NLGN4Y: variants seen among roughly 807,000 people sequenced by gnomAD.
NLGN4Y encodes the protein neuroligin 4 Y-linked.
NLGN4Y carries 4 observed loss-of-function variants against 8.4 expected under a neutral mutation model. The ratio of observed to expected loss-of-function variants is 0.48; its 90% confidence interval spans 0.23 to 1.09. The LOEUF is 1.09. NLGN4Y is among the 50% of genes least tolerant of loss of function. The probability of loss-of-function intolerance (pLI) is 0.19; values close to 1 mark genes in which losing one functional copy is unlikely to be tolerated. For synonymous variants in NLGN4Y, 35 were observed against 75.6 expected, an observed-to-expected ratio of 0.46 and a Z score of 2.78; for missense variants, 90 against 192.3, an observed-to-expected ratio of 0.47 and a Z score of 3.15.
chrY:14,745,974 A>AT (rs2081022825), intron 4 of NLGN4Y, among the ~76,000 whole-genome samples: 18 of 29,050 alleles, frequency 6.2e-4, no homozygotes, highest in East Asian at 2.7e-3. Flanking sequence ...TCCATTACAC[A>AT]TTTTTTTTTT....
intron 1 of NLGN4Y, among the ~76,000 whole-genome samples, chrY:14,526,111 CCT>C (rs2080092915): frequency 3.0e-5 from 1 of 33,591 alleles, no homozygotes; most frequent in Non-Finnish European, 7.3e-5. Flanking sequence ...ACGCACTGAG[CCT>C]TTTCCTAGAG....
Position 14,813,829 on chromosome Y carries a change from T to C in NLGN4Y, c.686-10359T>C, listed in dbSNP as rs761054302. Among the ~76,000 whole-genome samples, 95 of 33,554 alleles carry C rather than the reference T, an allele frequency of 2.8e-3. No individual in the cohort carries two copies. In the East Asian group the frequency reaches 0.058, roughly 20 times the overall value. The allele number at this position is 33,554 out of a possible 37,273, so 90.0% of individuals were successfully genotyped here. A position where few individuals can be genotyped will look rare whatever the true frequency, so the allele number is the denominator to read the frequency against. On this transcript the variant is annotated intron_variant, in intron 4 of 6. Transcript: ENST00000684976. ...ATGCATTAATTCTACATGATCTCTT[T>C]TGCATCTTTCTTTTGTTATTCAATT...
At chrY:14,735,542 C>G in intron 4 of NLGN4Y, among the ~76,000 whole-genome samples, 1 of 33,655 alleles carries the variant, frequency 3.0e-5, no homozygotes, top group African/African-American at 1.2e-4. Flanking sequence ...CATAAATTAC[C>G]CAGTCTTGAG....
chrY:14,843,254 T>C lies in NLGN4Y; in HGVS notation c.*1992T>C, dbSNP rs1343285295. ...TTAAATTTGAAAGCAATTCTCTATA[T>C]ATAAATATGTGAAATATTATGATCT... On this transcript the variant is annotated 3_prime_UTR_variant, in exon 7 of 7. Transcript: ENST00000684976. The C allele has an allele frequency of 1.6e-5, 2 of 121,877 alleles. No homozygotes were observed. Among genetic ancestry groups the C allele is most frequent in the Non-Finnish European group, 1.8e-5 (1 of 56,233 alleles). 30.4% of individuals were successfully genotyped at this position (121,877 alleles called of 400,897 possible).
At chrY:14,549,201 A>G in intron 1 of NLGN4Y, among the ~76,000 whole-genome samples, 5 of 32,925 alleles carry the variant, frequency 1.5e-4, no homozygotes, top group Non-Finnish European at 3.0e-4. Context: ...CCCATCCCCA[A>G]TGTAAATCAC....
At chrY:14,579,654 G>T in intron 1 of NLGN4Y, among the ~76,000 whole-genome samples, 2 of 33,010 alleles carry the variant, frequency 6.1e-5, no homozygotes, top group Non-Finnish European at 1.5e-4. Flanking sequence ...CGGGGTTGCA[G>T]TGAGTTGTGA....
At chrY:14,600,644 C>T (rs968497994) in intron 1 of NLGN4Y, among the ~76,000 whole-genome samples, 3 of 32,438 alleles carry the variant, frequency 9.2e-5, no homozygotes, top group Non-Finnish European at 2.3e-4. Context: ...ATTTCAAATC[C>T]TCATGTACAA....
At chrY:14,698,607 C>T (rs773692716) in intron 2 of NLGN4Y, among the ~76,000 whole-genome samples, 89 of 32,527 alleles carry the variant, frequency 2.7e-3, no homozygotes, top group African/African-American at 9.6e-3. Flanking sequence ...CCCATTGGAT[C>T]TATGGAACCA....
At chrY:14,580,878 A>G in intron 1 of NLGN4Y, among the ~76,000 whole-genome samples, 5 of 14,082 alleles carry the variant, frequency 3.6e-4, no homozygotes, top group African/African-American at 2.1e-3. Context: ...ATCTGTATGG[A>G]AAAAAAAAAA....
intron 5 of NLGN4Y, among the ~76,000 whole-genome samples, chrY:14,826,283 C>G: frequency 3.1e-5 from 1 of 32,081 alleles, no homozygotes; most frequent in Non-Finnish European, 7.6e-5. Context: ...ACCACACTGA[C>G]TGGACCATTT....
At chrY:14,807,196 A>C (rs2043060756) in intron 4 of NLGN4Y, among the ~76,000 whole-genome samples, 1 of 32,894 alleles carries the variant, frequency 3.0e-5, no homozygotes, top group African/African-American at 1.2e-4. Context: ...AATTCTAGAA[A>C]ATATTGTCTG....
At chrY:14,557,177 G>T in intron 1 of NLGN4Y, among the ~76,000 whole-genome samples, 1 of 33,579 alleles carries the variant, frequency 3.0e-5, no homozygotes, top group Admixed American at 2.7e-4. Flanking sequence ...AGCAGTGTTG[G>T]TTCCTGGGTT....
rs763000399 is a variant in NLGN4Y, at chrY:14,600,068, C to T, written c.-111-21941C>T. 1.9e-4 allele frequency among the ~76,000 whole-genome samples: 6 copies of T among 32,347 alleles called. No homozygotes were observed. The East Asian group carries it at 4.8e-3, about 26-fold the overall frequency. 86.8% of individuals were successfully genotyped at this position (32,347 alleles called of 37,273 possible). A position where few individuals can be genotyped will look rare whatever the true frequency, so the allele number is the denominator to read the frequency against. On this transcript the variant is annotated intron_variant, in intron 1 of 6. Coordinates refer to ENST00000684976, the MANE Select transcript of NLGN4Y (RefSeq NM_001365588.1). ...ACCTCCAAAAATGTATATATCCAAA[C>T]TATTTGTCAATTTCTCTCTCTCTTT...
chrY:14,742,365 G>T, intron 4 of NLGN4Y, among the ~76,000 whole-genome samples: 2 of 32,442 alleles, frequency 6.2e-5, no homozygotes. Flanking sequence ...TCTTTGATTA[G>T]TTGATTTAAC....
intron 2 of NLGN4Y, among the ~76,000 whole-genome samples, chrY:14,705,941 G>A (rs2080875094): frequency 5.4e-4 from 18 of 33,502 alleles, no homozygotes; most frequent in Admixed American, 4.9e-3. Context: ...GAGTCATAGA[G>A]TAAATAGTCA....
intron 2 of NLGN4Y, among the ~76,000 whole-genome samples, chrY:14,673,946 G>A: frequency 3.3e-5 from 1 of 29,970 alleles, no homozygotes; most frequent in Non-Finnish European, 7.9e-5. Context: ...ACCAAACACC[G>A]CATATGCATA....
At chrY:14,838,340 A>G in intron 6 of NLGN4Y, among the ~76,000 whole-genome samples, 4 of 33,263 alleles carry the variant, frequency 1.2e-4, no homozygotes, top group Non-Finnish European at 3.0e-4. Flanking sequence ...CACGGCAGTT[A>G]GTGTGCATTC....
chrY:14,742,580 T>C (rs2081009995), intron 4 of NLGN4Y, among the ~76,000 whole-genome samples: 1 of 32,824 alleles, frequency 3.0e-5, no homozygotes, highest in African/African-American at 1.2e-4. Context: ...GCATTAGAAA[T>C]GTAAATCTGT....
intron 1 of NLGN4Y, among the ~76,000 whole-genome samples, chrY:14,572,664 T>C: frequency 3.0e-5 from 1 of 33,169 alleles, no homozygotes; most frequent in African/African-American, 1.2e-4. Flanking sequence ...GAGGGCATCT[T>C]TGTCTTGTGC....
Sources: allele counts gnomAD v4.1 joint callset (sites outside exome capture counted in the v4.1 genomes callset), GRCh38; gene constraint gnomAD v4.1.1; transcripts MANE v1.5; gene names NCBI Gene and HGNC (gene_info 2026-07-23, HGNC 2026-07-21).